ACCSL: variants seen among roughly 807,000 people sequenced by gnomAD.
ACCSL encodes the protein probable inactive 1-aminocyclopropane-1-carboxylate synthase-like protein 2.
In ACCSL, 55 loss-of-function variants were observed where a neutral mutation model predicts 61.7. The observed-to-expected ratio is 0.89, with a 90% confidence interval of 0.72 to 1.12. The LOEUF is 1.12. Among genes scored for constraint, ACCSL ranks in the 50% most tolerant of loss-of-function variants. The probability of loss-of-function intolerance (pLI) is 0.00; values close to 1 mark genes in which losing one functional copy is unlikely to be tolerated. For synonymous variants in ACCSL, 258 were observed against 264.3 expected, an observed-to-expected ratio of 0.98 and a Z score of 0.23; for missense variants, 632 against 698.0, an observed-to-expected ratio of 0.91 and a Z score of 1.07.
chr11:44,031,239 C>T, the ACCSL span, among the ~76,000 whole-genome samples: 13 of 152,306 alleles, frequency 8.5e-5, no homozygotes, highest in East Asian at 2.3e-3. Flanking sequence ...CGTCATCCTG[C>T]CCCCTGCCAT....
the ACCSL span, among the ~76,000 whole-genome samples, chr11:44,039,649 A>T: frequency 2.6e-5 from 4 of 152,236 alleles, no homozygotes; most frequent in African/African-American, 9.6e-5. Context: ...CCAAAAACCT[A>T]TGGAAATAAA....
At chr11:44,025,287 T>C in the ACCSL span, among the ~76,000 whole-genome samples, 378 of 152,258 alleles carry the variant, frequency 2.5e-3, 3 homozygotes, top group African/African-American at 8.7e-3. Context: ...TATTTTTAAA[T>C]ATATAATTTT....
In ACCSL at chr11:44,048,063, T is replaced by C; in HGVS notation, c.27T>C (p.Pro9=). 1.2e-6 allele frequency: 2 copies of C among 1,613,300 alleles called. No homozygotes were observed. The highest frequency in any genetic ancestry group is 1.7e-6 in the Non-Finnish European group (2 of 1,179,302). MSHRSDTL[P]VPSGQRRGRV... is the part of the protein sequence containing the mutation. ...TGAGTCATCGGTCAGACACCCTTCCTGTGCCCTCTGGTCAGAGGAGAGGCC... is the reference window on the plus strand; with the variant it reads ...TGAGTCATCGGTCAGACACCCTTCCCGTGCCCTCTGGTCAGAGGAGAGGCC... The change falls in exon 1 of 14, where the codon CCT becomes CCC. Residue 9 remains proline (P), a synonymous_variant. Transcript: ENST00000378832.
At chr11:43,989,074 T>C in the ACCSL span, among the ~76,000 whole-genome samples, 6 of 152,118 alleles carry the variant, frequency 3.9e-5, no homozygotes, top group Non-Finnish European at 7.4e-5. Flanking sequence ...TAAGGTCAGA[T>C]TCAGCCAAAA....
chr11:43,987,562 G>A, the ACCSL span, among the ~76,000 whole-genome samples: 1 of 152,104 alleles, frequency 6.6e-6, no homozygotes, highest in African/African-American at 2.4e-5. Flanking sequence ...TGGGAATGGA[G>A]GGAAGCAGGA....
the ACCSL span, among the ~76,000 whole-genome samples, chr11:43,997,734 T>C: frequency 6.6e-6 from 1 of 152,234 alleles, no homozygotes; most frequent in South Asian, 2.1e-4. Flanking sequence ...CCCCAACCAA[T>C]AGTGACAAAA....
chr11:44,013,549 T>C, the ACCSL span, among the ~76,000 whole-genome samples: 3 of 152,202 alleles, frequency 2.0e-5, no homozygotes, highest in Admixed American at 2.0e-4. Flanking sequence ...CGCCTCGGCC[T>C]CCCAAAGTGC....
chr11:44,038,817 C>G, the ACCSL span, among the ~76,000 whole-genome samples: 1 of 152,262 alleles, frequency 6.6e-6, no homozygotes, highest in Non-Finnish European at 1.5e-5. Context: ...AGGCAGGCTT[C>G]CATTAGCCTA....
the ACCSL span, among the ~76,000 whole-genome samples, chr11:43,941,375 T>C: frequency 3.3e-5 from 5 of 152,240 alleles, no homozygotes. Flanking sequence ...CTTCCATGCC[T>C]TTCCTGAGCA....
chr11:43,923,501 C>G, the ACCSL span, among the ~76,000 whole-genome samples: 1 of 152,254 alleles, frequency 6.6e-6, no homozygotes, highest in Non-Finnish European at 1.5e-5. Flanking sequence ...CAACTGCCCT[C>G]TTTCCCAACC....
the ACCSL span, among the ~76,000 whole-genome samples, chr11:43,930,820 CACAT>C: frequency 6.6e-6 from 1 of 152,212 alleles, no homozygotes; most frequent in Admixed American, 6.5e-5. Flanking sequence ...CACACACACA[CACAT>C]GCACACACGC....
chr11:44,017,803 C>A, the ACCSL span, among the ~76,000 whole-genome samples: 13 of 149,656 alleles, frequency 8.7e-5, no homozygotes, highest in African/African-American at 3.2e-4. Context: ...GATCATTGAT[C>A]CATGTTATGA....
chr11:44,017,879 G>A, the ACCSL span, among the ~76,000 whole-genome samples: 1 of 152,238 alleles, frequency 6.6e-6, no homozygotes, highest in South Asian at 2.1e-4. Context: ...AAGCTACTGG[G>A]CACTGGGAAG....
the ACCSL span, among the ~76,000 whole-genome samples, chr11:43,987,841 G>A: frequency 1.3e-5 from 2 of 152,212 alleles, no homozygotes; most frequent in Non-Finnish European, 2.9e-5. Context: ...GTTGGTCTGT[G>A]GCTGGGATGT....
chr11:43,943,485 C>G, the ACCSL span: 1 of 1,393,844 alleles, frequency 7.2e-7, no homozygotes, highest in Non-Finnish European at 9.5e-7. This position sits in a 1 kb window ranked among gnomAD's most constrained non-coding sequence, Gnocchi z 4.8. Flanking sequence ...AGCGGGGCCG[C>G]TTTCCTCGTC....
chr11:43,947,182 CAG>C, the ACCSL span: 2 of 152,020 alleles, frequency 1.3e-5, no homozygotes, highest in African/African-American at 4.8e-5. Context: ...AGAGGGAGGC[CAG>C]AGTCTTTTAA....
the ACCSL span, among the ~76,000 whole-genome samples, chr11:43,924,721 T>C: frequency 0.18 from 27,125 of 152,238 alleles, 2,831 homozygotes; most frequent in South Asian, 0.34. Context: ...GCCACCTGCC[T>C]GGGGGTTCGG....
At chr11:43,956,785 A>G in the ACCSL span, among the ~76,000 whole-genome samples, 8 of 152,170 alleles carry the variant, frequency 5.3e-5, no homozygotes, top group African/African-American at 1.7e-4. Flanking sequence ...GTTTCAATCA[A>G]TTGAGGTTTA....
In ACCSL at chr11:44,048,180, G is replaced by C. The variant is rs771264543; in HGVS notation, c.144G>C (p.Thr48=). The C allele has an allele frequency of 1.9e-6, 3 of 1,614,170 alleles. No individual in the cohort carries two copies. In the Admixed American group the frequency reaches 5.0e-5, roughly 27 times the overall value. The stretch of plus-strand genomic sequence containing the variant: ...TGACGGAGCACTTCGTGCAGCTGAC[G>C]AGCAGACAGGGCCTGTCGCTGGAGG... ...QAMTEHFVQL[T]SRQGLSLEER... Residue 48 remains threonine (T), a synonymous_variant, in exon 1 of 14, where the codon ACG becomes ACC. Coordinates refer to ENST00000378832, the MANE Select transcript of ACCSL (RefSeq NM_001031854.2).
Sources: allele counts gnomAD v4.1 joint callset (sites outside exome capture counted in the v4.1 genomes callset), GRCh38; gene constraint gnomAD v4.1.1; non-coding constraint Gnocchi (gnomAD v3.1); transcripts MANE v1.5; gene names NCBI Gene and HGNC (gene_info 2026-07-23, HGNC 2026-07-21).